LYPD6B: variants seen among roughly 807,000 people sequenced by gnomAD.
LYPD6B encodes the protein ly6/PLAUR domain-containing protein 6B.
A neutral mutation model predicts 22.8 loss-of-function variants in LYPD6B; 17 were observed. That is an observed-to-expected ratio of 0.75 (90% CI 0.51 to 1.12). The LOEUF is 1.12. LYPD6B is among the 50% of genes most tolerant of loss of function. LYPD6B has a pLI of 0.00. For missense variants in LYPD6B, 221 were observed against 258.3 expected (o/e 0.86, Z 0.99); for synonymous variants, 106 against 91.6 (o/e 1.16, Z -0.90).
At chr2:149,201,290 T>A (rs1693134175) in intron 3 of LYPD6B, among the ~76,000 whole-genome samples, 2 of 152,146 alleles carry the variant, frequency 1.3e-5, no homozygotes, top group African/African-American at 4.8e-5. Flanking sequence ...TCTTCACATA[T>A]GAAGAAGTAA....
intron 1 of LYPD6B, among the ~76,000 whole-genome samples, chr2:149,107,019 C>A (rs868283880): frequency 6.6e-6 from 1 of 152,038 alleles, no homozygotes; most frequent in Non-Finnish European, 1.5e-5. Context: ...ATTATACATA[C>A]GCACCTATGA....
At position 149,148,605 on chromosome 2, in the gene LYPD6B, T is replaced by C. The variant is rs903122135; in HGVS notation, c.6-12159T>C. Reference sequence around the variant, plus strand: ...CTTTTCTCACTCTAGTTTCCAGACGTGTGGTGTTATCACGTAAGTCAGAAA... The same window carrying C: ...CTTTTCTCACTCTAGTTTCCAGACGCGTGGTGTTATCACGTAAGTCAGAAA... On this transcript the variant is annotated intron_variant, in intron 2 of 6. Transcript: ENST00000409642. 1.1e-4 allele frequency among the ~76,000 whole-genome samples: 16 copies of C among 152,358 alleles called. No homozygotes were observed. The Middle Eastern group carries it at 0.014, about 130-fold the overall frequency.
intron 1 of LYPD6B, among the ~76,000 whole-genome samples, chr2:149,125,617 G>T (rs1687655703): frequency 6.6e-6 from 1 of 152,030 alleles, no homozygotes; most frequent in Middle Eastern, 3.2e-3. Flanking sequence ...GAATAAAGTT[G>T]GTATCCTAAC....
chr2:149,210,157 C>A (rs1025494498), intron 5 of LYPD6B, among the ~76,000 whole-genome samples: 1 of 152,278 alleles, frequency 6.6e-6, no homozygotes, highest in South Asian at 2.1e-4. Flanking sequence ...TAGGTCTGTA[C>A]ATAATGCTCC....
chr2:149,051,458 C>G (rs919651198), intron 1 of LYPD6B, among the ~76,000 whole-genome samples: 3 of 152,162 alleles, frequency 2.0e-5, no homozygotes, highest in Non-Finnish European at 4.4e-5. Flanking sequence ...AGCCACCGCG[C>G]CCGGCCAACA....
intron 3 of LYPD6B, among the ~76,000 whole-genome samples, chr2:149,199,606 T>C (rs565297471): frequency 5.9e-5 from 9 of 152,344 alleles, no homozygotes; most frequent in African/African-American, 1.9e-4. Context: ...TTGTGCTCTA[T>C]AGAGATCTAA....
At chr2:149,100,517 C>A (rs1013500447) in intron 1 of LYPD6B, among the ~76,000 whole-genome samples, 1 of 150,582 alleles carries the variant, frequency 6.6e-6, no homozygotes, top group East Asian at 2.0e-4. Flanking sequence ...GCACAGAGGA[C>A]CTTTGCTTTT....
intron 1 of LYPD6B, among the ~76,000 whole-genome samples, chr2:149,069,646 C>T: frequency 6.8e-6 from 1 of 146,444 alleles, no homozygotes; most frequent in South Asian, 2.1e-4. Context: ...AGCATTGCCA[C>T]ATTAAAAAAA....
At chr2:149,183,934 T>C (rs1691923761) in intron 3 of LYPD6B, among the ~76,000 whole-genome samples, 1 of 152,140 alleles carries the variant, frequency 6.6e-6, no homozygotes, top group African/African-American at 2.4e-5. Context: ...GGCTCATGCC[T>C]GTAATTGCAG....
chr2:149,158,587 G>A (rs1413005080), intron 2 of LYPD6B, among the ~76,000 whole-genome samples: 1 of 152,130 alleles, frequency 6.6e-6, no homozygotes, highest in Non-Finnish European at 1.5e-5. Context: ...AAAGTTATGG[G>A]AATGGATCAT....
intron 1 of LYPD6B, among the ~76,000 whole-genome samples, chr2:149,124,272 G>A (rs1687555858): frequency 6.6e-6 from 1 of 152,152 alleles, no homozygotes; most frequent in African/African-American, 2.4e-5. Flanking sequence ...CTGGGGCCGA[G>A]ACCAACTACC....
intron 1 of LYPD6B, among the ~76,000 whole-genome samples, chr2:149,103,845 C>T (rs1306485389): frequency 7.5e-6 from 1 of 132,602 alleles, no homozygotes; most frequent in African/African-American, 2.9e-5. Flanking sequence ...GGCATGATCT[C>T]AGATCACCGC....
intron 1 of LYPD6B, among the ~76,000 whole-genome samples, chr2:149,105,608 T>C (rs920747136): frequency 1.3e-5 from 2 of 152,182 alleles, no homozygotes; most frequent in African/African-American, 2.4e-5. Context: ...TCCTGATTGT[T>C]GCTGGTATGT....
rs1308303477 is a variant in LYPD6B at position 149,066,351 on chromosome 2, G to A, written c.-67+27550G>A. ...GTCCCCCCACCCCACAACAGGCCCC[G>A]GTGTGTGATGTTCCCCTTCCTGTGT... On this transcript the variant is annotated intron_variant, in intron 1 of 6. Transcript: ENST00000409642. Among the ~76,000 whole-genome samples the A allele has an allele frequency of 7.8e-5, 10 of 128,520 alleles. No homozygotes were observed. The East Asian group carries it at 2.3e-3, about 30-fold the overall frequency. The allele number at this position is 128,520 out of a possible 152,430, so 84.3% of individuals were successfully genotyped here. A position where few individuals can be genotyped will look rare whatever the true frequency, so the allele number is the denominator to read the frequency against.
intron 3 of LYPD6B, among the ~76,000 whole-genome samples, chr2:149,184,533 A>G (rs1691966759): frequency 6.6e-6 from 1 of 152,228 alleles, no homozygotes; most frequent in East Asian, 1.9e-4. Context: ...ATTTTGATAT[A>G]CCACTACCTA....
At chr2:149,146,684 G>A (rs993413412) in intron 2 of LYPD6B, among the ~76,000 whole-genome samples, 2 of 152,056 alleles carry the variant, frequency 1.3e-5, no homozygotes, top group Non-Finnish European at 2.9e-5. Flanking sequence ...GCCGAACTAT[G>A]GCTATTGGGG....
intron 1 of LYPD6B, among the ~76,000 whole-genome samples, chr2:149,094,485 C>T (rs931033312): frequency 7.9e-5 from 12 of 152,242 alleles, no homozygotes; most frequent in African/African-American, 2.9e-4. Flanking sequence ...ATGAACAGGT[C>T]GTCGGGAGAC....
intron 3 of LYPD6B, among the ~76,000 whole-genome samples, chr2:149,179,739 C>T (rs1227770512): frequency 1.3e-5 from 2 of 152,204 alleles, no homozygotes; most frequent in Non-Finnish European, 2.9e-5. Context: ...GAAAGGGTGA[C>T]GTGCCGCCCT....
At chr2:149,051,054 C>T (rs1383085745) in intron 1 of LYPD6B, among the ~76,000 whole-genome samples, 1 of 151,612 alleles carries the variant, frequency 6.6e-6, no homozygotes, top group Non-Finnish European at 1.5e-5. Flanking sequence ...TATATTTATA[C>T]ATATACATAT....
Sources: gnomAD v4.1 joint callset for allele counts (sites outside exome capture counted in the v4.1 genomes callset) on GRCh38, gnomAD v4.1.1 for gene constraint, MANE v1.5 for transcripts, NCBI Gene and HGNC (gene_info 2026-07-23, HGNC 2026-07-21) for gene names.